MARCHF8: variants seen among roughly 807,000 people sequenced by gnomAD.
MARCHF8 encodes the protein E3 ubiquitin-protein ligase MARCHF8.
In MARCHF8, 40 loss-of-function variants were observed where a neutral mutation model predicts 51.6. The ratio of observed to expected loss-of-function variants is 0.77; its 90% CI spans 0.60 to 1.01. The LOEUF is 1.01. Among genes scored for constraint, MARCHF8 ranks in the 50% least tolerant of loss-of-function variants. MARCHF8 has a pLI of 0.00. For synonymous variants in MARCHF8, 263 were observed against 280.3 expected (o/e 0.94, Z 0.62); for missense variants, 685 against 708.6 (o/e 0.97, Z 0.38).
At chr10:45,562,413 AAGAC>A (rs1354515570) in intron 1 of MARCHF8, among the ~76,000 whole-genome samples, 1 of 152,220 alleles carries the variant, frequency 6.6e-6, no homozygotes, top group African/African-American at 2.4e-5. Flanking sequence ...GTAAAGACAG[AAGAC>A]AGACTACTAC....
At chr10:45,523,510 A>G (rs779331087) in intron 2 of MARCHF8, among the ~76,000 whole-genome samples, 2 of 152,220 alleles carry the variant, frequency 1.3e-5, no homozygotes, top group Middle Eastern at 3.2e-3. Flanking sequence ...TGAGAGTGAG[A>G]CCCAATCTCT....
intron 2 of MARCHF8, among the ~76,000 whole-genome samples, chr10:45,513,034 G>C (rs1013597183): frequency 1.7e-4 from 25 of 151,248 alleles, no homozygotes; most frequent in Middle Eastern, 6.8e-3. Flanking sequence ...CAGCATGCTC[G>C]TTAAGAATCA....
At position 45,456,871 on chromosome 10, in the gene MARCHF8, T is replaced by C. The variant is rs994344357; in HGVS notation, c.*1368A>G. 3 of 152,278 alleles carry C rather than the reference T, an allele frequency of 2.0e-5. No individual in the cohort carries two copies. Among genetic ancestry groups the C allele is most frequent in the Non-Finnish European group, 2.9e-5 (2 of 68,048 alleles). The allele number at this position is 152,278 out of a possible 1,614,324, so 9.4% of individuals were successfully genotyped here. ...TTTATGAAAATGGTACAGGTGGTAATCCCTGATGACAGAATGCACTGAGAG... is the reference window on the plus strand; with the variant it reads ...TTTATGAAAATGGTACAGGTGGTAACCCCTGATGACAGAATGCACTGAGAG... On this transcript the variant is annotated 3_prime_UTR_variant, in exon 8 of 8. Coordinates refer to ENST00000453424, the MANE Select transcript of MARCHF8 (RefSeq NM_001282866.2).
rs1191653271 is a variant in MARCHF8, at chr10:45,458,094, G to T, written c.*145C>A. The T allele has an allele frequency of 4.6e-6, 4 of 868,648 alleles. No homozygotes were observed. In the African/African-American group the frequency reaches 6.8e-5, roughly 15 times the overall value. The allele number at this position is 868,648 out of a possible 1,614,324, so 53.8% of individuals were successfully genotyped here. The stretch of plus-strand genomic sequence containing the variant: ...CAGGAAGGTTTTCTAGGAGACTAAG[G>T]AGGGTTTAGAAAAAGAGAAGCCACT... On this transcript the variant is annotated 3_prime_UTR_variant, in exon 8 of 8. Coordinates refer to ENST00000453424, the MANE Select transcript of MARCHF8 (RefSeq NM_001282866.2).
chr10:45,510,957 C>A (rs995414282), intron 2 of MARCHF8, among the ~76,000 whole-genome samples: 9 of 152,174 alleles, frequency 5.9e-5, no homozygotes, highest in Non-Finnish European at 8.8e-5. Context: ...CAGCACCACA[C>A]ACTGCAGCTG....
chr10:45,459,264 C>G lies in MARCHF8; in HGVS notation c.1273G>C (p.Glu425Gln), dbSNP rs750576907. 1.4e-5 allele frequency: 23 copies of G among 1,613,724 alleles called. No homozygotes were observed. The South Asian group carries it at 2.3e-4, about 16-fold the overall frequency. ...TCGCTGGACGTCATCTGCAACTTCT[C>G]CCACTAGAAAGACAACACAGAGTGT... is the stretch of plus-strand genomic sequence containing the variant. ...ETKLKPLRKWEKLQMTSSERR... is the reference protein window; with the variant it reads ...ETKLKPLRKWQKLQMTSSERR... The change falls in exon 7 of 8, where the codon GAG becomes CAG. Residue 425 changes from glutamate (E) to glutamine (Q), a missense_variant. Physicochemically the swap from Glu to Gln is conservative, Grantham distance 29. Transcript: ENST00000453424.
At chr10:45,542,485 C>A (rs1029621104) in intron 1 of MARCHF8, among the ~76,000 whole-genome samples, 1 of 151,902 alleles carries the variant, frequency 6.6e-6, no homozygotes, top group East Asian at 1.9e-4. Context: ...GCAGAAATAG[C>A]GCATTTGAGT....
At chr10:45,523,953 T>C (rs2043750277) in intron 2 of MARCHF8, among the ~76,000 whole-genome samples, 1 of 152,228 alleles carries the variant, frequency 6.6e-6, no homozygotes. Flanking sequence ...TCTCAAGTTT[T>C]ACGTGAGAAT....
intron 2 of MARCHF8, among the ~76,000 whole-genome samples, 180 bp downstream of exon 2, chr10:45,532,930 C>T (rs2043911004): frequency 6.6e-6 from 1 of 152,136 alleles, no homozygotes; most frequent in African/African-American, 2.4e-5. Context: ...GTAGTTTACA[C>T]CAAAATCTGA....
chr10:45,591,467 CA>C (rs368744441), intron 1 of MARCHF8, among the ~76,000 whole-genome samples: 4,631 of 123,854 alleles, frequency 0.037, 82 homozygotes, highest in Middle Eastern at 0.06. Flanking sequence ...AACTCTGTCT[CA>C]AAAAAAAAAA....
chr10:45,529,692 A>G (rs2043846738), intron 2 of MARCHF8, among the ~76,000 whole-genome samples: 1 of 152,252 alleles, frequency 6.6e-6, no homozygotes, highest in Non-Finnish European at 1.5e-5. Flanking sequence ...CAAATGGCCA[A>G]GAAACATTTA....
intron 1 of MARCHF8, among the ~76,000 whole-genome samples, chr10:45,534,200 C>CAA (rs372882732): frequency 7.2e-6 from 1 of 139,092 alleles, no homozygotes; most frequent in South Asian, 2.3e-4. Context: ...TCCCCCCCAC[C>CAA]AAAAAAAAAA....
At chr10:45,537,345 G>A (rs1206097063), upstream of MARCHF8, among the ~76,000 whole-genome samples, 3 of 152,090 alleles carry the variant, frequency 2.0e-5, no homozygotes, top group Admixed American at 6.5e-5. Flanking sequence ...CAATATGGAC[G>A]AACCTTTAAA....
intron 1 of MARCHF8, among the ~76,000 whole-genome samples, chr10:45,563,217 C>G (rs1318757076): frequency 6.6e-6 from 1 of 152,070 alleles, no homozygotes; most frequent in Admixed American, 6.6e-5. Flanking sequence ...TGTAGAGACA[C>G]TGTCTCACTT....
intron 1 of MARCHF8, among the ~76,000 whole-genome samples, chr10:45,548,440 G>A (rs72798215): frequency 3.0e-3 from 457 of 152,304 alleles, no homozygotes; most frequent in Non-Finnish European, 4.0e-3. Flanking sequence ...ACCGGGGCAG[G>A]TACGTGAATT....
chr10:45,530,173 CAGAA>C (rs1479151600), intron 2 of MARCHF8, among the ~76,000 whole-genome samples: 1 of 152,222 alleles, frequency 6.6e-6, no homozygotes, highest in African/African-American at 2.4e-5. Context: ...TGAAATAACT[CAGAA>C]AGAGCAAGTC....
intron 2 of MARCHF8, among the ~76,000 whole-genome samples, chr10:45,527,158 T>C (rs1444726372): frequency 6.6e-6 from 1 of 152,108 alleles, no homozygotes; most frequent in African/African-American, 2.4e-5. Flanking sequence ...GAAAAGTTTA[T>C]AGCGTTAAAT....
At chr10:45,583,304 G>A (rs1242331811) in intron 1 of MARCHF8, among the ~76,000 whole-genome samples, 3 of 151,910 alleles carry the variant, frequency 2.0e-5, no homozygotes, top group Admixed American at 6.6e-5. Flanking sequence ...AATAAAAACG[G>A]GACAACCAAT....
chr10:45,560,634 A>G (rs1253052364), intron 1 of MARCHF8, among the ~76,000 whole-genome samples: 1 of 152,128 alleles, frequency 6.6e-6, no homozygotes, highest in African/African-American at 2.4e-5. Flanking sequence ...CCGCTCCCCT[A>G]GCTCACTGTT....
Sources: gnomAD v4.1 joint callset for allele counts (sites outside exome capture counted in the v4.1 genomes callset) on GRCh38, gnomAD v4.1.1 for gene constraint, MANE v1.5 for transcripts, NCBI Gene and HGNC (gene_info 2026-07-23, HGNC 2026-07-21) for gene names.